The following CORO2A variants were observed in gnomAD, a reference collection of about 807,000 sequenced individuals.
The protein encoded by CORO2A is coronin-2A.
A neutral mutation model predicts 62.4 loss-of-function variants in CORO2A; 47 were observed. The observed-to-expected ratio is 0.75, with a 90% CI of 0.60 to 0.96. The LOEUF (loss-of-function observed/expected upper bound fraction) is 0.96, where lower values mean the gene tolerates loss of function less well. Among genes scored for constraint, CORO2A ranks in the 40% least tolerant of loss-of-function variants. The pLI is 0.00. For missense variants in CORO2A, 610 were observed against 684.1 expected, an observed-to-expected ratio of 0.89 and a Z score of 1.21; for synonymous variants, 273 against 268.9, an observed-to-expected ratio of 1.02 and a Z score of -0.15.
At chr9:98,174,748 G>A (rs1162721866) in intron 1 of CORO2A, among the ~76,000 whole-genome samples, 1 of 152,044 alleles carries the variant, frequency 6.6e-6, no homozygotes, top group East Asian at 1.9e-4. Context: ...TTCACCTTCC[G>A]TCATGATTGT....
intron 1 of CORO2A, among the ~76,000 whole-genome samples, chr9:98,174,991 G>A (rs561368832): frequency 6.6e-6 from 1 of 152,184 alleles, no homozygotes; most frequent in South Asian, 2.1e-4. Flanking sequence ...AAAGAAAAGA[G>A]AAATGACAGC....
At chr9:98,132,338 T>C (rs371564240) in intron 5 of CORO2A, 37 bp from the exon 6 acceptor site, 4 of 1,568,190 alleles carry the variant, frequency 2.6e-6, no homozygotes, top group African/African-American at 2.7e-5. Flanking sequence ...GGAGAGACAG[T>C]AGAGGATCGG....
intron 1 of CORO2A, among the ~76,000 whole-genome samples, chr9:98,179,531 C>G (rs1443949824): frequency 6.6e-6 from 1 of 152,192 alleles, no homozygotes; most frequent in Non-Finnish European, 1.5e-5. Context: ...ATGGCAGCAT[C>G]CTCTATTCCA....
At chr9:98,131,180 G>T (rs1398795415) in intron 6 of CORO2A, 121 bp from the exon 7 acceptor site, 3 of 662,492 alleles carry the variant, frequency 4.5e-6, no homozygotes, top group Non-Finnish European at 8.0e-6. Context: ...CAGAGAAAAA[G>T]TGTGATTTTT....
At chr9:98,153,874 A>G (rs1186861722) in intron 2 of CORO2A, among the ~76,000 whole-genome samples, 4 of 151,926 alleles carry the variant, frequency 2.6e-5, no homozygotes, top group Admixed American at 6.6e-5. Context: ...TCATTTGCTA[A>G]TTTTCTTTTT....
intron 10 of CORO2A, among the ~76,000 whole-genome samples, chr9:98,127,362 G>A (rs2118791941): frequency 6.6e-6 from 1 of 152,316 alleles, no homozygotes; most frequent in Non-Finnish European, 1.5e-5. Context: ...GGTGAAGGAA[G>A]TTTGTGGGGG....
At chr9:98,190,538 T>C (rs936086848) in intron 1 of CORO2A, among the ~76,000 whole-genome samples, 16 of 152,172 alleles carry the variant, frequency 1.1e-4, no homozygotes, top group African/African-American at 3.9e-4. Flanking sequence ...CTTTGCCCAG[T>C]CACATCCCCT....
At chr9:98,173,414 G>A (rs981187708) in intron 1 of CORO2A, among the ~76,000 whole-genome samples, 1 of 152,176 alleles carries the variant, frequency 6.6e-6, no homozygotes, top group South Asian at 2.1e-4. Context: ...GAGCAGCGGC[G>A]TCAGTTTTCT....
chr9:98,158,028 C>T (rs1294261659), intron 1 of CORO2A, among the ~76,000 whole-genome samples: 8 of 152,214 alleles, frequency 5.3e-5, no homozygotes, highest in African/African-American at 1.4e-4. Context: ...TAAGTAGGTA[C>T]CAATGTGCTG....
intron 10 of CORO2A, among the ~76,000 whole-genome samples, chr9:98,127,536 G>A (rs1827341941): frequency 6.6e-6 from 1 of 152,196 alleles, no homozygotes. Context: ...AAAAGGCCAG[G>A]CCCAGTGGCT....
At chr9:98,157,743 T>C (rs1018897981) in intron 1 of CORO2A, 83 bp from the exon 2 acceptor site, 28 of 1,330,362 alleles carry the variant, frequency 2.1e-5, no homozygotes, top group Non-Finnish European at 2.9e-5. Context: ...TAAGAGTACA[T>C]AAGAGGGTAC....
intron 2 of CORO2A, among the ~76,000 whole-genome samples, chr9:98,146,228 C>T (rs1461598699): frequency 6.6e-6 from 1 of 152,190 alleles, no homozygotes; most frequent in Non-Finnish European, 1.5e-5. Context: ...TTCACCCCCT[C>T]CCTGGAGTGA....
At chr9:98,148,419 A>G (rs961891022) in intron 2 of CORO2A, among the ~76,000 whole-genome samples, 1 of 150,646 alleles carries the variant, frequency 6.6e-6, no homozygotes, top group African/African-American at 2.4e-5. Context: ...AATAAGATAA[A>G]TAAATAAATA....
intron 2 of CORO2A, among the ~76,000 whole-genome samples, chr9:98,153,566 C>G (rs899320297): frequency 2.0e-5 from 3 of 151,470 alleles, no homozygotes; most frequent in Non-Finnish European, 4.4e-5. Flanking sequence ...ACCACTGTGC[C>G]CAGCTAACTA....
intron 2 of CORO2A, among the ~76,000 whole-genome samples, chr9:98,150,551 T>A (rs1187506600): frequency 6.6e-6 from 1 of 152,140 alleles, no homozygotes; most frequent in African/African-American, 2.4e-5. Flanking sequence ...CTAAACTAGG[T>A]CCCCTCTCCC....
intron 10 of CORO2A, 31 bp downstream of exon 10, chr9:98,128,139 T>G (rs759452151): frequency 4.5e-6 from 7 of 1,572,278 alleles, no homozygotes; most frequent in Non-Finnish European, 6.1e-6. Context: ...TCCTGTCACA[T>G]TTGCCTGGGC....
At chr9:98,128,304 T>C (rs1056183650) in intron 9 of CORO2A, 44 bp from the exon 10 acceptor site, 3 of 1,510,792 alleles carry the variant, frequency 2.0e-6, no homozygotes, top group Non-Finnish European at 2.7e-6. Context: ...TAGGGTAGGC[T>C]GCTCAGATGG....
chr9:98,171,314 G>A (rs757228947), intron 1 of CORO2A, among the ~76,000 whole-genome samples: 29 of 152,174 alleles, frequency 1.9e-4, no homozygotes, highest in Non-Finnish European at 4.1e-4. Flanking sequence ...TCCAACCAGG[G>A]GTCCTGCATT....
At chr9:98,167,794 T>C (rs1353569796) in intron 1 of CORO2A, among the ~76,000 whole-genome samples, 1 of 152,228 alleles carries the variant, frequency 6.6e-6, no homozygotes, top group African/African-American at 2.4e-5. Context: ...TATTCACAGA[T>C]GAAATGATAT....
Sources: allele counts gnomAD v4.1 joint callset (sites outside exome capture counted in the v4.1 genomes callset), GRCh38; gene constraint gnomAD v4.1.1; transcripts MANE v1.5; gene names NCBI Gene and HGNC (gene_info 2026-07-23, HGNC 2026-07-21).